Variants in STAM2 observed in about 807,000 individuals in gnomAD.
STAM2 encodes signal transducing adaptor molecule 2.
STAM2 carries 51 observed loss-of-function variants against 65.6 expected under a neutral mutation model. That is an observed-to-expected ratio of 0.78 (90% CI 0.62 to 0.98). STAM2 has a LOEUF of 0.98. Among genes scored for constraint, STAM2 ranks in the 50% least tolerant of loss-of-function variants. STAM2 has a pLI of 0.00. For missense variants in STAM2, 584 were observed against 617.8 expected (o/e 0.95, Z 0.58); for synonymous variants, 198 against 208.4 (o/e 0.95, Z 0.43).
intron 1 of STAM2, among the ~76,000 whole-genome samples, chr2:152,168,516 G>C (rs4611639): frequency 0.2 from 30,095 of 152,028 alleles, 3,396 homozygotes; most frequent in Admixed American, 0.3. Flanking sequence ...AGCCATGCTA[G>C]AGACACATCC....
At chr2:152,126,410 T>A in intron 11 of STAM2, 31 bp from the exon 12 acceptor site, 1 of 1,346,226 alleles carries the variant, frequency 7.4e-7, no homozygotes, top group Non-Finnish European at 9.7e-7. Context: ...TATAATACTC[T>A]TCTAGTTTTT....
rs1689291859 is a variant in STAM2 at position 152,143,861 on chromosome 2, TA to T, written c.669del (p.Phe223LeufsTer6). ...AAAACAATAATTATTTCACCATGTT[TA>T]AAGGTGAGTTCATTGTCCTCAACAG... ...FEAVEDNELT[F>X]KHGEIIIVLD... On this transcript the variant is annotated frameshift_variant, in exon 7 of 14. Coordinates refer to ENST00000263904, the MANE Select transcript of STAM2 (RefSeq NM_005843.6). LOFTEE classifies it high-confidence loss of function. 2.5e-6 allele frequency: 4 copies of T among 1,612,592 alleles called. No homozygotes were observed. Among genetic ancestry groups the T allele is most frequent in the African/African-American group, 1.3e-5 (1 of 75,002 alleles).
Position 152,175,539 on chromosome 2 carries a change from T to C in STAM2, c.40+64A>G, listed in dbSNP as rs1372989559. The C allele has an allele frequency of 5.0e-6, 8 of 1,605,544 alleles. No homozygotes were observed. The African/African-American group carries it at 1.1e-4, about 22-fold the overall frequency. On this transcript the variant is annotated intron_variant, in intron 1 of 13. Transcript: ENST00000263904. ...CCCGGAGTCGCTACCGCCCACTTTC[T>C]AGCCGGACAAACAGCAGTCCAGGGC...
At chr2:152,129,289 G>A (rs1413622850) in intron 11 of STAM2, among the ~76,000 whole-genome samples, 1 of 152,060 alleles carries the variant, frequency 6.6e-6, no homozygotes, top group African/African-American at 2.4e-5. Context: ...TGGGACTACA[G>A]GCGCACACCA....
intron 13 of STAM2, among the ~76,000 whole-genome samples, chr2:152,121,268 C>T (rs969104551): frequency 6.6e-5 from 10 of 152,206 alleles, no homozygotes; most frequent in South Asian, 4.1e-4. Context: ...GCCACCATGC[C>T]GAGCTTGTTA....
intron 1 of STAM2, among the ~76,000 whole-genome samples, chr2:152,173,941 T>C (rs1041474972): frequency 1.3e-5 from 2 of 152,200 alleles, no homozygotes; most frequent in Non-Finnish European, 2.9e-5. Context: ...TACTTGAAGC[T>C]CTGGCTTATG....
intron 8 of STAM2, among the ~76,000 whole-genome samples, chr2:152,133,967 T>C (rs948332583): frequency 1.3e-5 from 2 of 152,118 alleles, no homozygotes; most frequent in Non-Finnish European, 2.9e-5. Context: ...ATTTCCTATA[T>C]GAACAAAAAA....
chr2:152,147,370 ATT>A (rs1369850531), intron 4 of STAM2, 62 bp from the exon 5 acceptor site: 61 of 1,392,212 alleles, frequency 4.4e-5, no homozygotes, highest in Non-Finnish European at 5.6e-5. Context: ...TACTTAAATT[ATT>A]TAACAAGGAG....
At chr2:152,158,842 T>C (rs1461614016) in intron 1 of STAM2, among the ~76,000 whole-genome samples, 1 of 151,930 alleles carries the variant, frequency 6.6e-6, no homozygotes, top group Non-Finnish European at 1.5e-5. Flanking sequence ...AAGCCCTTTT[T>C]ATTGCAGCAT....
intron 11 of STAM2, among the ~76,000 whole-genome samples, chr2:152,129,388 T>C (rs1469969019): frequency 6.6e-6 from 1 of 152,220 alleles, no homozygotes; most frequent in African/African-American, 2.4e-5. Flanking sequence ...TGGGCTCAGA[T>C]GATTCTCCCA....
intron 1 of STAM2, among the ~76,000 whole-genome samples, chr2:152,159,110 T>TATATATATAC (rs575009275): frequency 7.0e-5 from 9 of 129,274 alleles, no homozygotes; most frequent in East Asian, 6.2e-4. Context: ...TATATATATA[T>TATATATATAC]ACACACACAG....
At chr2:152,135,091 C>A (rs1216407056) in intron 8 of STAM2, among the ~76,000 whole-genome samples, 2 of 152,176 alleles carry the variant, frequency 1.3e-5, no homozygotes, top group Non-Finnish European at 2.9e-5. Context: ...TACTCCTAAC[C>A]CCAGTAATCA....
intron 7 of STAM2, among the ~76,000 whole-genome samples, chr2:152,141,152 A>G (rs1051157235): frequency 1.3e-5 from 2 of 151,368 alleles, no homozygotes; most frequent in African/African-American, 4.8e-5. Flanking sequence ...AAAAAAAAAA[A>G]AAAGAAAAGA....
chr2:152,160,363 G>A (rs1188855467), intron 1 of STAM2, among the ~76,000 whole-genome samples: 29 of 150,474 alleles, frequency 1.9e-4, no homozygotes, highest in African/African-American at 7.1e-4. Flanking sequence ...GAGATGTGGG[G>A]AGCGCCTCTG....
intron 1 of STAM2, among the ~76,000 whole-genome samples, chr2:152,174,830 A>G (rs1343256494): frequency 6.6e-6 from 1 of 152,152 alleles, no homozygotes; most frequent in East Asian, 1.9e-4. Context: ...ACATACATAT[A>G]TTTCTCAGTT....
rs1690009591 is a variant in STAM2 at position 152,175,735 on chromosome 2, G to A, written c.-93C>T. 2.9e-6 allele frequency: 4 copies of A among 1,382,566 alleles called. No individual in the cohort carries two copies. Among genetic ancestry groups the A allele is most frequent in the Admixed American group, 2.0e-5 (1 of 50,662 alleles). The allele number at this position is 1,382,566 out of a possible 1,614,324, so 85.6% of individuals were successfully genotyped here. Reference sequence around the variant, plus strand: ...ACCCGCGGCCGCGGCTCCCTAGACCGCTCCGCTTCGGCCTCCGTCCCTGCA... The same window carrying A: ...ACCCGCGGCCGCGGCTCCCTAGACCACTCCGCTTCGGCCTCCGTCCCTGCA... On this transcript the variant is annotated 5_prime_UTR_variant, in exon 1 of 14. Transcript: ENST00000263904.
chr2:152,141,810 C>A (rs891869931), intron 7 of STAM2, among the ~76,000 whole-genome samples: 16 of 151,798 alleles, frequency 1.1e-4, no homozygotes, highest in Admixed American at 6.6e-4. Context: ...AGGGTGGTCT[C>A]GAACTCCTGA....
intron 1 of STAM2, among the ~76,000 whole-genome samples, chr2:152,151,023 A>G (rs917229850): frequency 3.3e-5 from 5 of 152,136 alleles, no homozygotes; most frequent in Non-Finnish European, 7.4e-5. Flanking sequence ...GCAAAAAGGA[A>G]AATTGATTAA....
intron 11 of STAM2, among the ~76,000 whole-genome samples, chr2:152,129,946 T>G (rs568884168): frequency 1.1e-4 from 16 of 152,352 alleles, no homozygotes; most frequent in South Asian, 6.2e-4. Flanking sequence ...CAATCTCTGG[T>G]GACTAGGAAA....
Sources: allele counts gnomAD v4.1 joint callset (sites outside exome capture counted in the v4.1 genomes callset), GRCh38; gene constraint gnomAD v4.1.1; transcripts MANE v1.5; gene names NCBI Gene and HGNC (gene_info 2026-07-23, HGNC 2026-07-21).